Variants in NXPE1 observed in about 807,000 individuals in gnomAD.
The protein encoded by NXPE1 is neurexophilin and PC-esterase domain family member 1.
NXPE1 carries 31 observed loss-of-function variants against 33.3 expected under a neutral mutation model. That is an observed-to-expected ratio of 0.93 (90% CI 0.70 to 1.26). The LOEUF (loss-of-function observed/expected upper bound fraction) is 1.26. Among genes scored for constraint, NXPE1 ranks in the 50% most tolerant of loss-of-function variants. NXPE1 has a pLI of 0.00. For missense variants in NXPE1, 661 were observed against 655.6 expected (o/e 1.01, Z -0.09); for synonymous variants, 229 against 231.4 (o/e 0.99, Z 0.09).
At chr11:114,527,850 A>G (rs2134939121) in exon 7 of NXPE1, 7 of 1,606,880 alleles carry the variant, frequency 4.4e-6, no homozygotes, top group Middle Eastern at 1.7e-4. Context: ...TGTTACAATT[A>G]GTGACATCAA....
At chr11:114,549,655 T>C (rs1190382347) in intron 5 of NXPE1, among the ~76,000 whole-genome samples, 1 of 152,082 alleles carries the variant, frequency 6.6e-6, no homozygotes, top group African/African-American at 2.4e-5. Flanking sequence ...AAAGGCTTTG[T>C]CACCAAAATC....
chr11:114,543,383 A>G (rs1467767594), intron 5 of NXPE1, among the ~76,000 whole-genome samples: 1 of 150,306 alleles, frequency 6.7e-6, no homozygotes, highest in East Asian at 1.9e-4. Flanking sequence ...TATATATATT[A>G]TATATTAGCT....
Position 114,555,541 on chromosome 11 carries a change from T to C in NXPE1, c.-210-2661A>G, listed in dbSNP as rs184934303. On this transcript the variant is annotated intron_variant, in intron 1 of 8. Transcript: ENST00000534921. ...CGCCCAGCCAAGAATACATGCATTT[T>C]AAGTGCACTGTTTTATGAATGTTGG... 3.8e-3 allele frequency among the ~76,000 whole-genome samples: 585 copies of C among 152,296 alleles called. 6 individuals carry two copies. Among genetic ancestry groups the C allele is most frequent in the African/African-American group, 0.013 (555 of 41,556 alleles).
At chr11:114,535,099 G>T (rs185994253) in intron 5 of NXPE1, among the ~76,000 whole-genome samples, 1 of 152,308 alleles carries the variant, frequency 6.6e-6, no homozygotes, top group East Asian at 1.9e-4. Context: ...GAAACTCTAC[G>T]AGCCAGAAGA....
At chr11:114,532,238 C>T (rs576726715) in intron 5 of NXPE1, among the ~76,000 whole-genome samples, 1 of 152,152 alleles carries the variant, frequency 6.6e-6, no homozygotes, top group African/African-American at 2.4e-5. Flanking sequence ...AAAAGATGAA[C>T]AGAACCCACA....
chr11:114,535,156 C>T (rs1226955992), intron 5 of NXPE1, among the ~76,000 whole-genome samples: 1 of 152,128 alleles, frequency 6.6e-6, no homozygotes, highest in East Asian at 1.9e-4. Flanking sequence ...AACTTTCAAC[C>T]CAGAATTTCA....
rs182356640 is a variant in NXPE1 at position 114,525,255 on chromosome 11, A to G, written c.896-2164T>C. Among the ~76,000 whole-genome samples the G allele has an allele frequency of 1.7e-3, 255 of 152,176 alleles. 1 individual carries two copies. Among genetic ancestry groups the G allele is most frequent in the African/African-American group, 5.9e-3 (247 of 41,526 alleles). On this transcript the variant is annotated intron_variant, in intron 7 of 8. Transcript: ENST00000534921. Reference sequence around the variant, plus strand: ...CCTCAAACTTTGGGAGTAGGTTTGCATAGACCTGCCCACTGAGAAATAGAT... The same window carrying G: ...CCTCAAACTTTGGGAGTAGGTTTGCGTAGACCTGCCCACTGAGAAATAGAT...
exon 9 of NXPE1, chr11:114,522,234 C>T: frequency 6.2e-7 from 1 of 1,614,082 alleles, no homozygotes; most frequent in Non-Finnish European, 8.5e-7. Context: ...CTTTCAATAG[C>T]CTTTTGAACA....
intron 1 of NXPE1, chr11:114,554,236 T>G: frequency 1.0e-6 from 1 of 976,998 alleles, no homozygotes; most frequent in Non-Finnish European, 1.2e-6. Context: ...ACACAACCTT[T>G]CCTGGCCTCT....
chr11:114,534,697 G>T (rs559888298), intron 5 of NXPE1, among the ~76,000 whole-genome samples: 1 of 152,180 alleles, frequency 6.6e-6, no homozygotes, highest in Non-Finnish European at 1.5e-5. Context: ...GATGGAAGAC[G>T]AAATGAATGA....
At chr11:114,525,831 G>A (rs1947352323) in intron 7 of NXPE1, among the ~76,000 whole-genome samples, 1 of 152,198 alleles carries the variant, frequency 6.6e-6, no homozygotes, top group African/African-American at 2.4e-5. Context: ...GTCAAGCCCT[G>A]TCTTTGTTCG....
chr11:114,531,494 G>C lies in NXPE1; in HGVS notation c.100-586C>G, dbSNP rs560007321. On this transcript the variant is annotated intron_variant, in intron 5 of 8. Transcript: ENST00000534921. ...TCTCCATTTAATTTCCTCTTCTGTT[G>C]CTAAACCAGTCCTTTTTAAAGCAAA... is the stretch of plus-strand genomic sequence containing the variant. 3.9e-5 allele frequency among the ~76,000 whole-genome samples: 6 copies of C among 152,244 alleles called. No individual in the cohort carries two copies. In the South Asian group the frequency reaches 1.2e-3, roughly 32 times the overall value.
chr11:114,538,997 A>C (rs1343717903), intron 5 of NXPE1, among the ~76,000 whole-genome samples: 4 of 146,566 alleles, frequency 2.7e-5, no homozygotes, highest in Non-Finnish European at 4.5e-5. Context: ...GTGTTTATTG[A>C]GGCACTATTC....
chr11:114,530,493 C>A, exon 6 of NXPE1: 4 of 1,613,982 alleles, frequency 2.5e-6, no homozygotes, highest in Non-Finnish European at 3.4e-6. Context: ...CTGGCCCTCC[C>A]AGAACAGAGT....
chr11:114,535,817 C>T (rs375534746), intron 5 of NXPE1, among the ~76,000 whole-genome samples: 25 of 152,152 alleles, frequency 1.6e-4, no homozygotes, highest in East Asian at 7.7e-4. Context: ...ACTTAGACTC[C>T]GACACAATAA....
intron 5 of NXPE1, among the ~76,000 whole-genome samples, chr11:114,532,758 G>C (rs747083969): frequency 8.5e-5 from 13 of 152,232 alleles, no homozygotes; most frequent in Non-Finnish European, 1.9e-4. Context: ...TATATAGGTA[G>C]ATTAGATAAA....
intron 1 of NXPE1, among the ~76,000 whole-genome samples, chr11:114,556,927 CTG>C (rs1250853249): frequency 6.7e-6 from 1 of 149,218 alleles, no homozygotes. Flanking sequence ...GAGTCTCACT[CTG>C]TTGCCCAAGT....
chr11:114,531,111 ATAT>A (rs1232851074), intron 5 of NXPE1, among the ~76,000 whole-genome samples: 3 of 151,546 alleles, frequency 2.0e-5, no homozygotes, highest in South Asian at 2.1e-4. Context: ...TGATGATATA[ATAT>A]TATTATATAT....
intron 7 of NXPE1, among the ~76,000 whole-genome samples, chr11:114,526,305 C>T (rs1021282661): frequency 1.8e-4 from 28 of 152,172 alleles, no homozygotes; most frequent in African/African-American, 6.5e-4. Context: ...TTTAAAGCCA[C>T]TTTATTATAG....
Sources: allele counts gnomAD v4.1 joint callset (sites outside exome capture counted in the v4.1 genomes callset), GRCh38; gene constraint gnomAD v4.1.1; transcripts MANE v1.5; gene names NCBI Gene and HGNC (gene_info 2026-07-23, HGNC 2026-07-21).